OXTR: variants seen among roughly 807,000 people sequenced by gnomAD.
OXTR encodes the protein oxytocin receptor.
In OXTR, 19 loss-of-function variants were observed where a neutral mutation model predicts 23.9. That is an observed-to-expected ratio of 0.80 (90% CI 0.56 to 1.17). The LOEUF is 1.17. OXTR is among the 50% of genes most tolerant of loss of function. The pLI is 0.00. For missense variants in OXTR, 500 were observed against 550.7 expected, an observed-to-expected ratio of 0.91 and a Z score of 0.92; for synonymous variants, 278 against 250.5, an observed-to-expected ratio of 1.11 and a Z score of -1.04.
In OXTR at chr3:8,751,883, T is replaced by C. The variant is rs956411665; in HGVS notation, c.*1094A>G. On this transcript the variant is annotated 3_prime_UTR_variant, in exon 4 of 4. Transcript: ENST00000316793. ...TTCTTTATGAATTTTGGGACTAGCTTATCAATTTCTGTAAAGAAGCCAGCT... is the reference window on the plus strand; with the variant it reads ...TTCTTTATGAATTTTGGGACTAGCTCATCAATTTCTGTAAAGAAGCCAGCT... 6.6e-6 allele frequency: 1 copy of C among 152,226 alleles called. No homozygotes were observed. The highest frequency in any genetic ancestry group is 1.5e-5 in the Non-Finnish European group (1 of 68,034). The allele number at this position is 152,226 out of a possible 1,614,324, so 9.4% of individuals were successfully genotyped here.
rs1708669575 is a variant in OXTR, at chr3:8,767,956, T to C, written c.232A>G (p.Met78Val). 1 of 1,613,096 alleles carries C rather than the reference T, an allele frequency of 6.2e-7. No individual in the cohort carries two copies. Among genetic ancestry groups the C allele is most frequent in the East Asian group, 2.2e-5 (1 of 44,838 alleles). Residue 78 changes from methionine (M) to valine (V), a missense_variant, in exon 3 of 4, where the codon ATG (methionine) becomes GTG (valine). Transcript: ENST00000316793. ...RQKHSRLFFF[M>V]KHLSIADLVV... The stretch of plus-strand genomic sequence containing the variant: ...AGGTCGGCGATGCTTAGGTGCTTCA[T>C]GAAGAAGAAGAGGCGCGAGTGCTTC...
At chr3:8,745,211 G>C in the OXTR span, among the ~76,000 whole-genome samples, 14,542 of 151,942 alleles carry the variant, frequency 0.096, 795 homozygotes, top group African/African-American at 0.14. The surrounding 1 kb of genome is among the most constrained non-coding windows in gnomAD (Gnocchi z 4.8). Flanking sequence ...ACTCTCACCA[G>C]GGGAGACGCC....
Position 8,767,641 on chromosome 3 carries a change from C to T in OXTR, c.547G>A (p.Gly183Ser), listed in dbSNP as rs1204489418. The change falls in exon 3 of 4, where the codon GGC becomes AGC. Residue 183 changes from glycine to serine, a missense_variant. Transcript: ENST00000316793. ...HIFSLREVADGVFDCWAVFIQ... is the reference protein window; with the variant it reads ...HIFSLREVADSVFDCWAVFIQ... ...AAGACGGCCCAGCAGTCGAAGACGC[C>T]GTCAGCCACCTCGCGCAGAGAGAAG... 3 of 1,612,886 alleles carry T rather than the reference C, an allele frequency of 1.9e-6. No individual in the cohort carries two copies. In the East Asian group the frequency reaches 6.7e-5, roughly 36 times the overall value.
intron 3 of OXTR, among the ~76,000 whole-genome samples, chr3:8,762,688 C>T (rs1370568447): frequency 6.6e-6 from 1 of 152,228 alleles, no homozygotes; most frequent in Non-Finnish European, 1.5e-5. Flanking sequence ...CCCGAGGATC[C>T]TCAGTCCCAC....
At chr3:8,760,680 CA>C (rs1277468484) in intron 3 of OXTR, among the ~76,000 whole-genome samples, 2 of 152,198 alleles carry the variant, frequency 1.3e-5, no homozygotes, top group African/African-American at 2.4e-5. Flanking sequence ...AGTTGTGCCA[CA>C]AAGCAGCCCA....
chr3:8,768,038 C>T lies in OXTR; in HGVS notation c.150G>A (p.Leu50=). Residue 50 remains leucine (L), a synonymous_variant, in exon 3 of 4, where the codon CTG becomes CTA. Transcript: ENST00000316793. This position sits in a 1 kb window ranked among gnomAD's most constrained non-coding sequence, Gnocchi z 5.4. The stretch of plus-strand genomic sequence containing the variant: ...ACGCGTTCCCGCTCAGCGCCAGGAG[C>T]AGGATGAGACACAGCACCGCCACCT... ...RVEVAVLCLI[L]LLALSGNACV... The T allele has an allele frequency of 6.3e-7, 1 of 1,598,132 alleles. No homozygotes were observed. The highest frequency in any genetic ancestry group is 8.5e-7 in the Non-Finnish European group (1 of 1,173,514).
chr3:8,746,422 TC>T (rs958001365), downstream of OXTR: 1 of 153,052 alleles, frequency 6.5e-6, no homozygotes, highest in African/African-American at 2.4e-5. Context: ...AAGAACAGAG[TC>T]TTTTTCTTCT....
Position 8,768,532 on chromosome 3 carries a change from A to C in OXTR, c.-179T>G. 1 of 215,176 alleles carries C rather than the reference A, an allele frequency of 4.6e-6. No homozygotes were observed. The highest frequency in any genetic ancestry group is 9.1e-6 in the Non-Finnish European group (1 of 110,122). 13.3% of individuals were successfully genotyped at this position (215,176 alleles called of 1,614,324 possible). A position where few individuals can be genotyped will look rare whatever the true frequency, so the allele number is the denominator to read the frequency against. On this transcript the variant is annotated 5_prime_UTR_variant, in exon 2 of 4. Coordinates refer to ENST00000316793, the MANE Select transcript of OXTR (RefSeq NM_000916.4). The surrounding 1 kb of genome is among the most constrained non-coding windows in gnomAD (Gnocchi z 5.4). ...CACTGCAAATGAGCGGGAATCCTCT[A>C]CCGGCCACAAGCCCAGAGCCCCCAG... is the stretch of plus-strand genomic sequence containing the variant.
chr3:8,751,393 C>T lies in OXTR; in HGVS notation c.*1584G>A, dbSNP rs1212132849. On this transcript the variant is annotated 3_prime_UTR_variant, in exon 4 of 4. Transcript: ENST00000316793. ...CAAAAGCTTCAAATCTTGATTAAGTCCAATTTACCTATTTTTCCATTGGTT... is the reference window on the plus strand; with the variant it reads ...CAAAAGCTTCAAATCTTGATTAAGTTCAATTTACCTATTTTTCCATTGGTT... The T allele has an allele frequency of 6.6e-6, 1 of 152,108 alleles. No homozygotes were observed. Among genetic ancestry groups the T allele is most frequent in the Non-Finnish European group, 1.5e-5 (1 of 68,018 alleles). 9.4% of individuals were successfully genotyped at this position (152,108 alleles called of 1,614,324 possible).
chr3:8,750,946 A>C lies in OXTR; in HGVS notation c.*2031T>G, dbSNP rs181982781. The C allele has an allele frequency of 5.6e-4, 85 of 152,242 alleles. No homozygotes were observed. The highest frequency in any genetic ancestry group is 2.0e-3 in the African/African-American group (81 of 41,528). The allele number at this position is 152,242 out of a possible 1,614,324, so 9.4% of individuals were successfully genotyped here. Reference sequence around the variant, plus strand: ...TGGTCACTCTACGTTTAACTTTTTGAGGTACTGCCAAACTGTTTTTCAAAG... The same window carrying C: ...TGGTCACTCTACGTTTAACTTTTTGCGGTACTGCCAAACTGTTTTTCAAAG... On this transcript the variant is annotated 3_prime_UTR_variant, in exon 4 of 4. Coordinates refer to ENST00000316793, the MANE Select transcript of OXTR (RefSeq NM_000916.4).
chr3:8,766,426 ACCTTCAGCCTTGT>A (rs1708607939), intron 3 of OXTR, among the ~76,000 whole-genome samples: 1 of 152,076 alleles, frequency 6.6e-6, no homozygotes, highest in African/African-American at 2.4e-5. Flanking sequence ...CAATTGCCCC[ACCTTCAGCCTTGT>A]CCTCAGCAGT....
chr3:8,758,786 G>A (rs1296574878), intron 3 of OXTR, among the ~76,000 whole-genome samples: 1 of 152,164 alleles, frequency 6.6e-6, no homozygotes, highest in African/African-American at 2.4e-5. Flanking sequence ...TGGACTCACT[G>A]GGCTGGGCCT....
intron 3 of OXTR, among the ~76,000 whole-genome samples, chr3:8,766,865 G>A (rs1057356924): frequency 2.0e-5 from 3 of 152,130 alleles, no homozygotes; most frequent in Non-Finnish European, 2.9e-5. Context: ...GCTTGGCCAG[G>A]GGTTCCAAAC....
downstream of OXTR, among the ~76,000 whole-genome samples, chr3:8,748,063 A>C (rs1708198960): frequency 6.6e-6 from 1 of 152,060 alleles, no homozygotes. Flanking sequence ...TTATGATGAG[A>C]ATGGGCCTGA....
At position 8,768,293 on chromosome 3, in the gene OXTR, T is replaced by C; in HGVS notation, c.-106A>G. On this transcript the variant is annotated 5_prime_UTR_variant, in exon 3 of 4. Coordinates refer to ENST00000316793, the MANE Select transcript of OXTR (RefSeq NM_000916.4). This position sits in a 1 kb window ranked among gnomAD's most constrained non-coding sequence, Gnocchi z 5.4. ...GGTGTAGGGGCGCCCGGGGCTCCAC[T>C]CCTGGAGACTCCACGGACGGATCTG... 1.6e-6 allele frequency: 2 copies of C among 1,223,088 alleles called. No individual in the cohort carries two copies. Among genetic ancestry groups the C allele is most frequent in the Non-Finnish European group, 2.0e-6 (2 of 984,638 alleles). The allele number at this position is 1,223,088 out of a possible 1,614,324, so 75.8% of individuals were successfully genotyped here.
At position 8,768,044 on chromosome 3, in the gene OXTR, G is replaced by A. The variant is rs1439456577; in HGVS notation, c.144C>T (p.Leu48=). Residue 48 remains leucine (L), a synonymous_variant, in exon 3 of 4, where the codon CTC becomes CTT. Coordinates refer to ENST00000316793, the MANE Select transcript of OXTR (RefSeq NM_000916.4). This position sits in a 1 kb window ranked among gnomAD's most constrained non-coding sequence, Gnocchi z 5.4. ...LARVEVAVLC[L]ILLLALSGNA... is the part of the protein sequence containing the mutation. ...TCCCGCTCAGCGCCAGGAGCAGGAT[G>A]AGACACAGCACCGCCACCTCCACGC... 6.3e-7 allele frequency: 1 copy of A among 1,595,770 alleles called. No homozygotes were observed. The highest frequency in any genetic ancestry group is 8.5e-7 in the Non-Finnish European group (1 of 1,172,612).
chr3:8,750,797 G>A lies in OXTR; in HGVS notation c.*2180C>T, dbSNP rs1017297426. 1 of 152,162 alleles carries A rather than the reference G, an allele frequency of 6.6e-6. No individual in the cohort carries two copies. The highest frequency in any genetic ancestry group is 1.5e-5 in the Non-Finnish European group (1 of 68,016). The allele number at this position is 152,162 out of a possible 1,614,324, so 9.4% of individuals were successfully genotyped here. ...CATTCATCAGTTGGTAGACATTTGG[G>A]TTGTTTCCACTTTTTGGCTATTACA... On this transcript the variant is annotated 3_prime_UTR_variant, in exon 4 of 4. Coordinates refer to ENST00000316793, the MANE Select transcript of OXTR (RefSeq NM_000916.4).
Position 8,767,510 on chromosome 3 carries a change from C to A in OXTR, c.678G>T (p.Lys226Asn). 1 of 1,612,392 alleles carries A rather than the reference C, an allele frequency of 6.2e-7. No homozygotes were observed. The highest frequency in any genetic ancestry group is 8.5e-7 in the Non-Finnish European group (1 of 1,179,370). Residue 226 changes from lysine to asparagine, a missense_variant, in exon 3 of 4, where the codon AAG becomes AAT. Coordinates refer to ENST00000316793, the MANE Select transcript of OXTR (RefSeq NM_000916.4). ...TCTTGAGCCGCAAGTTCTGCCAGAT[C>A]TTGAAGCTGATAAGGCCGTAGCAGG... is the stretch of plus-strand genomic sequence containing the variant. ...LAACYGLISF[K>N]IWQNLRLKTA...
At chr3:8,761,188 T>C (rs1263586942) in intron 3 of OXTR, among the ~76,000 whole-genome samples, 1 of 151,798 alleles carries the variant, frequency 6.6e-6, no homozygotes, top group African/African-American at 2.4e-5. Context: ...AAGGTGAAAA[T>C]GGAAAGAGAA....
Sources: allele counts gnomAD v4.1 joint callset (sites outside exome capture counted in the v4.1 genomes callset), GRCh38; gene constraint gnomAD v4.1.1; non-coding constraint Gnocchi (gnomAD v3.1); transcripts MANE v1.5; gene names NCBI Gene and HGNC (gene_info 2026-07-23, HGNC 2026-07-21).